Variants in SPIDR observed in about 807,000 individuals in gnomAD.
The protein encoded by SPIDR is scaffold protein involved in DNA repair.
SPIDR carries 93 observed loss-of-function variants against 104.6 expected under a neutral mutation model. That is an observed-to-expected ratio of 0.89 (90% CI 0.75 to 1.06). The LOEUF is 1.06. Among genes scored for constraint, SPIDR ranks in the 50% least tolerant of loss-of-function variants. SPIDR has a pLI of 0.00. For synonymous variants in SPIDR, 431 were observed against 416.9 expected (o/e 1.03, Z -0.41); for missense variants, 1,154 against 1,111.2 (o/e 1.04, Z -0.55).
intron 10 of SPIDR, among the ~76,000 whole-genome samples, chr8:47,624,599 C>T (rs888916802): frequency 6.6e-6 from 1 of 152,182 alleles, no homozygotes. Flanking sequence ...TCAGAGAATA[C>T]TATAAACACC....
In SPIDR at chr8:47,569,973, GAGATTAAT is replaced by G. The variant is rs1449048856; in HGVS notation, c.1098-25835_1098-25828del. ...TGAAAACTACAAAACAATGTTGAAA[GAGATTAAT>G]AGGGTTAAGAAGGCAATACTCACCA... On this transcript the variant is annotated intron_variant, in intron 8 of 19. Transcript: ENST00000297423. Among the ~76,000 whole-genome samples the G allele has an allele frequency of 3.3e-5, 5 of 152,282 alleles. No individual in the cohort carries two copies. The East Asian group carries it at 7.7e-4, about 23-fold the overall frequency.
At chr8:47,276,352 G>A (rs1451213619) in intron 1 of SPIDR, among the ~76,000 whole-genome samples, 1 of 152,128 alleles carries the variant, frequency 6.6e-6, no homozygotes, top group Non-Finnish European at 1.5e-5. Flanking sequence ...ATGGAAAAAA[G>A]CGAAACCTAC....
intron 10 of SPIDR, among the ~76,000 whole-genome samples, chr8:47,665,896 A>G (rs1588990101): frequency 6.6e-6 from 1 of 152,146 alleles, no homozygotes. Flanking sequence ...ACCTATTAAT[A>G]CTCTGTGAAT....
rs565741924 is a variant in SPIDR, at chr8:47,705,726, C to T, written c.1977+3711C>T. On this transcript the variant is annotated intron_variant, in intron 14 of 19. Coordinates refer to ENST00000297423, the MANE Select transcript of SPIDR (RefSeq NM_001080394.4). ...CCAGACCAACCTGGTCAACAAAGCA[C>T]GACCCCGTCTCTACAAAAAAATTAA... Among the ~76,000 whole-genome samples the T allele has an allele frequency of 7.2e-5, 11 of 152,110 alleles. 1 individual carries two copies. Among genetic ancestry groups the T allele is most frequent in the Non-Finnish European group, 1.0e-4 (7 of 67,982 alleles).
At chr8:47,509,068 T>C (rs2081935648) in intron 8 of SPIDR, among the ~76,000 whole-genome samples, 1 of 152,174 alleles carries the variant, frequency 6.6e-6, no homozygotes, top group Non-Finnish European at 1.5e-5. Flanking sequence ...TCTAGGCCTC[T>C]GTCACCTGCC....
At position 47,425,928 on chromosome 8, in the gene SPIDR, C is replaced by G. The variant is rs541551359; in HGVS notation, c.878-14395C>G. On this transcript the variant is annotated intron_variant, in intron 7 of 19. Transcript: ENST00000297423. ...CTTAACAAGTGTTATATAGAAGGTA[C>G]CCGTATTACTACCAGTACTTAAAGA... 3.3e-5 allele frequency among the ~76,000 whole-genome samples: 5 copies of G among 152,094 alleles called. No individual in the cohort carries two copies. The South Asian group carries it at 1.0e-3, about 32-fold the overall frequency.
intron 5 of SPIDR, among the ~76,000 whole-genome samples, chr8:47,344,066 C>T (rs906808743): frequency 6.6e-6 from 1 of 151,290 alleles, no homozygotes; most frequent in Admixed American, 6.6e-5. Flanking sequence ...TGTGCTGCAC[C>T]CATTAACTCG....
intron 8 of SPIDR, among the ~76,000 whole-genome samples, chr8:47,483,488 T>G (rs2077150738): frequency 6.6e-6 from 1 of 152,168 alleles, no homozygotes; most frequent in Non-Finnish European, 1.5e-5. Flanking sequence ...GCTGCCCCTT[T>G]GAGGTGACTG....
intron 8 of SPIDR, among the ~76,000 whole-genome samples, chr8:47,452,664 C>A (rs2072048620): frequency 6.6e-6 from 1 of 152,148 alleles, no homozygotes; most frequent in Non-Finnish European, 1.5e-5. Context: ...ATTCAACAAC[C>A]TTCATGCTAA....
chr8:47,451,608 ACT>A lies in SPIDR; in HGVS notation c.1097+11067_1097+11068del, dbSNP rs200948196. ...CACACACACACACACACACACACAC[ACT>A]AGAAAGATTCCACAGAAGATTTGAG... On this transcript the variant is annotated intron_variant, in intron 8 of 19. Transcript: ENST00000297423. 5.3e-3 allele frequency among the ~76,000 whole-genome samples: 775 copies of A among 144,998 alleles called. 8 individuals are homozygous for A. The East Asian group carries it at 0.064, about 12-fold the overall frequency.
intron 8 of SPIDR, among the ~76,000 whole-genome samples, chr8:47,477,160 C>T (rs781844850): frequency 6.6e-6 from 1 of 151,894 alleles, no homozygotes; most frequent in African/African-American, 2.4e-5. Context: ...CTTAATGAAA[C>T]GTGGAGTCTG....
At chr8:47,610,488 G>A (rs540132619) in intron 10 of SPIDR, among the ~76,000 whole-genome samples, 7 of 152,276 alleles carry the variant, frequency 4.6e-5, no homozygotes, top group South Asian at 2.1e-4. Context: ...CTGAGCCACC[G>A]CACCTTGCTG....
intron 10 of SPIDR, among the ~76,000 whole-genome samples, chr8:47,644,999 C>T (rs1252134066): frequency 6.6e-6 from 1 of 152,126 alleles, no homozygotes; most frequent in African/African-American, 2.4e-5. Context: ...TAGAGATGTA[C>T]CCAGGGGCTG....
chr8:47,466,245 A>G (rs1554716842), intron 8 of SPIDR, among the ~76,000 whole-genome samples: 1 of 152,132 alleles, frequency 6.6e-6, no homozygotes, highest in African/African-American at 2.4e-5. Flanking sequence ...CATAGCACAT[A>G]CTCTAAGATT....
At chr8:47,485,918 C>A (rs2077538982) in intron 8 of SPIDR, among the ~76,000 whole-genome samples, 2 of 152,160 alleles carry the variant, frequency 1.3e-5, no homozygotes, top group Non-Finnish European at 2.9e-5. Context: ...AGCAGAAAAG[C>A]TGAAAATTCT....
rs115231847 is a variant in SPIDR at position 47,576,494 on chromosome 8, C to T, written c.1098-19317C>T. Among the ~76,000 whole-genome samples, 492 of 151,658 alleles carry T rather than the reference C, an allele frequency of 3.2e-3. 2 individuals carry two copies. Among genetic ancestry groups the T allele is most frequent in the African/African-American group, 0.011 (469 of 41,302 alleles). On this transcript the variant is annotated intron_variant, in intron 8 of 19. Coordinates refer to ENST00000297423, the MANE Select transcript of SPIDR (RefSeq NM_001080394.4). ...TATTGCCAAGGGTGGAGTGCAGTGG[C>T]ACGATCTTGACTCATTGCAACCTGT...
intron 2 of SPIDR, among the ~76,000 whole-genome samples, chr8:47,281,874 A>G (rs982800721): frequency 4.1e-4 from 62 of 152,374 alleles, no homozygotes; most frequent in African/African-American, 1.3e-3. Context: ...AGGAGTCACT[A>G]TCTGTGGCAG....
intron 8 of SPIDR, among the ~76,000 whole-genome samples, chr8:47,529,350 G>A (rs1220402818): frequency 6.6e-6 from 1 of 152,028 alleles, no homozygotes; most frequent in Non-Finnish European, 1.5e-5. Flanking sequence ...CCCAGGAGGT[G>A]GAGGTTGCAG....
At chr8:47,329,827 C>T (rs1172313454) in intron 5 of SPIDR, among the ~76,000 whole-genome samples, 1 of 152,154 alleles carries the variant, frequency 6.6e-6, no homozygotes, top group East Asian at 1.9e-4. Context: ...CTGTTACCAT[C>T]TGGTGGTGTT....
Sources: gnomAD v4.1 joint callset for allele counts (sites outside exome capture counted in the v4.1 genomes callset) on GRCh38, gnomAD v4.1.1 for gene constraint, MANE v1.5 for transcripts, NCBI Gene and HGNC (gene_info 2026-07-23, HGNC 2026-07-21) for gene names.